KMT2C: variants seen among roughly 807,000 people sequenced by gnomAD.
KMT2C encodes the protein histone-lysine N-methyltransferase 2C.
In KMT2C, 88 loss-of-function variants were observed where a neutral mutation model predicts 507.9. The ratio of observed to expected loss-of-function variants is 0.17; its 90% CI spans 0.15 to 0.21. The LOEUF is 0.21. Ranked by LOEUF, KMT2C falls within the 10% of genes least tolerant of loss-of-function variation. The probability of loss-of-function intolerance (pLI) is 1.00; values close to 1 mark genes in which losing one functional copy is unlikely to be tolerated. For missense variants in KMT2C, 4,954 were observed against 5,957.8 expected (o/e 0.83, Z 5.55); for synonymous variants, 2,049 against 2,080.8 (o/e 0.98, Z 0.42).
At chr7:152,276,655 G>A (rs999317348) in intron 6 of KMT2C, among the ~76,000 whole-genome samples, 3 of 151,934 alleles carry the variant, frequency 2.0e-5, no homozygotes, top group Admixed American at 1.3e-4. Context: ...CACGAGCCTG[G>A]GGTGGGAAAA....
At chr7:152,371,760 C>T (rs1259249673) in intron 1 of KMT2C, among the ~76,000 whole-genome samples, 2 of 152,000 alleles carry the variant, frequency 1.3e-5, no homozygotes, top group African/African-American at 4.8e-5. Context: ...ATTACAGACA[C>T]ATGCCACCAC....
intron 9 of KMT2C, among the ~76,000 whole-genome samples, chr7:152,255,157 A>ATATATGTGTGTG (rs767823858): frequency 7.8e-6 from 1 of 128,376 alleles, no homozygotes; most frequent in African/African-American, 3.0e-5. Flanking sequence ...ATATATATAT[A>ATATATGTGTGTG]TGTGTGTGTG....
chr7:152,192,377 C>A (rs977471001), intron 31 of KMT2C, among the ~76,000 whole-genome samples: 1 of 151,992 alleles, frequency 6.6e-6, no homozygotes, highest in Admixed American at 6.6e-5. Context: ...CCCGTCTCTA[C>A]TAAAAATACA....
rs367767844 is a variant in KMT2C at position 152,163,707 on chromosome 7, T to C, written c.9870A>G (p.Leu3290=). Residue 3290 remains leucine (L), a synonymous_variant, in exon 43 of 59, where the codon CTA becomes CTG. Transcript: ENST00000262189. ...MMPSVQPQPP[L]IPGATPPTMS... is the part of the protein sequence containing the mutation. ...TGGTGGGTGGAGTGGCACCTGGAAT[T>C]AGGGGTGGCTGGGGCTGGACACTGG... is the stretch of plus-strand genomic sequence containing the variant. 7 of 1,613,872 alleles carry C rather than the reference T, an allele frequency of 4.3e-6. No individual in the cohort carries two copies. The African/African-American group carries it at 9.3e-5, about 22-fold the overall frequency.
rs540053485 is a variant in KMT2C, at chr7:152,205,146, G to A, written c.3921C>T (p.Ser1307=). 6.2e-7 allele frequency: 1 copy of A among 1,612,362 alleles called. No individual in the cohort carries two copies. The highest frequency in any genetic ancestry group is 2.2e-5 in the East Asian group (1 of 44,812). The change falls in exon 25 of 59, where the codon TCC becomes TCT. Residue 1307 remains serine (S), a synonymous_variant. Transcript: ENST00000262189. Reference sequence around the variant, plus strand: ...GTAACTGCTCGGAAATAGAGCCTGAGGAATCTTTTCTGATCACAGATCTTT... The same window carrying A: ...GTAACTGCTCGGAAATAGAGCCTGAAGAATCTTTTCTGATCACAGATCTTT... ...KTKRSVIRKD[S]SGSISEQLPC...
intron 36 of KMT2C, among the ~76,000 whole-genome samples, 188 bp from the exon 37 acceptor site, chr7:152,180,314 C>T (rs1422530643): frequency 6.6e-6 from 1 of 152,118 alleles, no homozygotes; most frequent in Admixed American, 6.5e-5. Flanking sequence ...CGCCACCGTG[C>T]CTGACAGGTT....
At chr7:152,372,167 ATTGT>A (rs1286100285) in intron 1 of KMT2C, among the ~76,000 whole-genome samples, 1 of 151,780 alleles carries the variant, frequency 6.6e-6, no homozygotes, top group Non-Finnish European at 1.5e-5. Context: ...TGGATTTTTG[ATTGT>A]TTAAGACGGA....
Position 152,177,798 on chromosome 7 carries a change from T to C in KMT2C, c.7655A>G (p.Asn2552Ser), listed in dbSNP as rs2129115416. Residue 2552 changes from asparagine to serine, a missense_variant, in exon 38 of 59, where the codon AAC (asparagine) becomes AGC (serine). Physicochemically the swap from Asn to Ser is conservative, Grantham distance 46. Coordinates refer to ENST00000262189, the MANE Select transcript of KMT2C (RefSeq NM_170606.3). ...SPQSLPVQQH[N>S]ILGQAYIELR... The stretch of plus-strand genomic sequence containing the variant: ...TTCAATATATGCTTGGCCCAGTATG[T>C]TGTGCTGCTGAACTGGCAAGCTCTG... 6.2e-7 allele frequency: 1 copy of C among 1,614,032 alleles called. No homozygotes were observed. The highest frequency in any genetic ancestry group is 1.3e-5 in the African/African-American group (1 of 75,018).
intron 6 of KMT2C, 136 bp downstream of exon 6, chr7:152,309,830 T>C: frequency 1.6e-6 from 1 of 620,618 alleles, no homozygotes; most frequent in Admixed American, 3.0e-5. Context: ...CTAGAATTTC[T>C]CTTAATAAAA....
chr7:152,256,582 GA>G (rs768821303), intron 9 of KMT2C, among the ~76,000 whole-genome samples: 10 of 151,950 alleles, frequency 6.6e-5, no homozygotes, highest in Non-Finnish European at 1.2e-4. Context: ...AAAAAAACAA[GA>G]ACAAATAAGC....
At chr7:152,243,916 C>A (rs1158735838) in intron 14 of KMT2C, among the ~76,000 whole-genome samples, 4 of 152,128 alleles carry the variant, frequency 2.6e-5, no homozygotes, top group Non-Finnish European at 4.4e-5. Context: ...TGAACTAGAT[C>A]ATAGTAGTGT....
At chr7:152,331,717 C>T (rs962229212) in intron 2 of KMT2C, among the ~76,000 whole-genome samples, 11 of 143,424 alleles carry the variant, frequency 7.7e-5, no homozygotes, top group African/African-American at 2.1e-4. Context: ...GGCGCGATCT[C>T]GACTCACTGC....
intron 54 of KMT2C, 26 bp downstream of exon 54, chr7:152,145,127 T>C (rs2129093164): frequency 3.1e-6 from 5 of 1,611,904 alleles, no homozygotes; most frequent in Non-Finnish European, 4.2e-6. Context: ...CCCTGGGCTG[T>C]ACTATGTGAA....
intron 23 of KMT2C, among the ~76,000 whole-genome samples, chr7:152,215,686 T>C (rs1474581758): frequency 7.5e-6 from 1 of 134,112 alleles, no homozygotes; most frequent in Admixed American, 7.3e-5. Context: ...AATATATATA[T>C]ATACACACAC....
chr7:152,135,414 A>C lies in KMT2C; in HGVS notation c.*1418T>G, dbSNP rs1056669082. Reference sequence around the variant, plus strand: ...CAAAACAGTGTTTTTTTTATTAAAGAAATGTAAACAAACAGTTCATACAAA... The same window carrying C: ...CAAAACAGTGTTTTTTTTATTAAAGCAATGTAAACAAACAGTTCATACAAA... On this transcript the variant is annotated 3_prime_UTR_variant, in exon 59 of 59. Transcript: ENST00000262189. 8 of 217,536 alleles carry C rather than the reference A, an allele frequency of 3.7e-5. No homozygotes were observed. The highest frequency in any genetic ancestry group is 1.4e-3 in the Middle Eastern group (1 of 714). The allele number at this position is 217,536 out of a possible 1,614,324, so 13.5% of individuals were successfully genotyped here.
chr7:152,320,149 T>C (rs1011583357), intron 3 of KMT2C, among the ~76,000 whole-genome samples: 1 of 152,198 alleles, frequency 6.6e-6, no homozygotes, highest in Non-Finnish European at 1.5e-5. Context: ...ATTTCATGTT[T>C]ATACATGTCT....
chr7:152,403,709 GACACATACACACACACACACACACAC>G (rs1210038777), intron 1 of KMT2C, among the ~76,000 whole-genome samples: 2,606 of 139,246 alleles, frequency 0.019, no homozygotes, highest in African/African-American at 0.032. Context: ...GAAAAACTGG[GACACATACACACACACACACACACAC>G]ACACACACAC....
intron 23 of KMT2C, among the ~76,000 whole-genome samples, chr7:152,216,721 T>C (rs1397419525): frequency 6.6e-6 from 1 of 152,174 alleles, no homozygotes; most frequent in Admixed American, 6.5e-5. Flanking sequence ...TGGCAGACAA[T>C]TCCCTCATCC....
chr7:152,198,206 G>T (rs1563356335), intron 27 of KMT2C, among the ~76,000 whole-genome samples: 1 of 152,194 alleles, frequency 6.6e-6, no homozygotes, highest in Non-Finnish European at 1.5e-5. Context: ...ATGTAAGATT[G>T]AACAAACAAG....
Sources: gnomAD v4.1 joint callset for allele counts (sites outside exome capture counted in the v4.1 genomes callset) on GRCh38, gnomAD v4.1.1 for gene constraint, MANE v1.5 for transcripts, NCBI Gene and HGNC (gene_info 2026-07-23, HGNC 2026-07-21) for gene names.